Variants in NT5DC3 observed in about 807,000 individuals in gnomAD.
The protein encoded by NT5DC3 is 5'-nucleotidase domain containing 3.
In NT5DC3, 42 loss-of-function variants were observed where a neutral mutation model predicts 67.8. The ratio of observed to expected loss-of-function variants is 0.62; its 90% CI spans 0.48 to 0.80. The LOEUF (loss-of-function observed/expected upper bound fraction) is 0.80, where lower values mean the gene tolerates loss of function less well. NT5DC3 is among the 30% of genes least tolerant of loss of function. The pLI is 0.00. For missense variants in NT5DC3, 570 were observed against 696.4 expected (o/e 0.82, Z 2.04); for synonymous variants, 237 against 255.6 (o/e 0.93, Z 0.69).
rs571500083 is a variant in NT5DC3, at chr12:103,825,507, T to C, written c.209-10386A>G. ...GGAAAAAGTCCTTAGAAAAAGAAAATTGTGCATGGCACAGTGGCTCACACT... is the reference window on the plus strand; with the variant it reads ...GGAAAAAGTCCTTAGAAAAAGAAAACTGTGCATGGCACAGTGGCTCACACT... On this transcript the variant is annotated intron_variant, in intron 1 of 13. Coordinates refer to ENST00000392876, the MANE Select transcript of NT5DC3 (RefSeq NM_001031701.3). 3.2e-4 allele frequency among the ~76,000 whole-genome samples: 48 copies of C among 152,216 alleles called. No individual in the cohort carries two copies. In the South Asian group the frequency reaches 8.9e-3, roughly 28 times the overall value.
At chr12:103,788,439 T>G (rs1885890571) in intron 10 of NT5DC3, among the ~76,000 whole-genome samples, 1 of 152,234 alleles carries the variant, frequency 6.6e-6, no homozygotes, top group Non-Finnish European at 1.5e-5. Context: ...GGGCAAGACC[T>G]TGTCTTAATA....
intron 1 of NT5DC3, among the ~76,000 whole-genome samples, chr12:103,827,050 C>T (rs1381209773): frequency 6.6e-6 from 1 of 152,092 alleles, no homozygotes; most frequent in Non-Finnish European, 1.5e-5. Context: ...TCGAGACCAG[C>T]CTGGCCAACA....
chr12:103,748,967 G>A, the NT5DC3 span: 1 of 1,612,860 alleles, frequency 6.2e-7, no homozygotes, highest in Non-Finnish European at 8.5e-7. Context: ...TTGCAGTTGT[G>A]GATTTCTGCA....
chr12:103,836,916 T>C (rs1888172872), intron 1 of NT5DC3, among the ~76,000 whole-genome samples: 1 of 152,134 alleles, frequency 6.6e-6, no homozygotes, highest in Non-Finnish European at 1.5e-5. Flanking sequence ...AGAGTGGCCC[T>C]CTTCTCGCAG....
intron 1 of NT5DC3, 21 bp downstream of exon 1, chr12:103,840,928 C>A: frequency 1.5e-6 from 2 of 1,327,902 alleles, no homozygotes; most frequent in Non-Finnish European, 2.0e-6. Context: ...GGCGCCGGGG[C>A]GGGGTCGCCG....
At chr12:103,788,002 T>C (rs1164731762) in intron 10 of NT5DC3, among the ~76,000 whole-genome samples, 2 of 152,246 alleles carry the variant, frequency 1.3e-5, no homozygotes, top group Non-Finnish European at 2.9e-5. Flanking sequence ...GAAAATACAC[T>C]TATTGCCAAA....
intron 4 of NT5DC3, among the ~76,000 whole-genome samples, chr12:103,801,086 C>A (rs1339767314): frequency 1.3e-5 from 2 of 152,006 alleles, no homozygotes; most frequent in Non-Finnish European, 2.9e-5. Context: ...GTACGGAACC[C>A]CCCTCCACTT....
intron 1 of NT5DC3, among the ~76,000 whole-genome samples, chr12:103,836,541 A>G (rs981761121): frequency 6.6e-6 from 1 of 152,220 alleles, no homozygotes; most frequent in Non-Finnish European, 1.5e-5. Flanking sequence ...TTTAGTTGTC[A>G]TGTCTGTTCA....
intron 12 of NT5DC3, 100 bp from the exon 13 acceptor site, chr12:103,780,464 AT>A: frequency 9.8e-7 from 1 of 1,023,738 alleles, no homozygotes; most frequent in Admixed American, 1.8e-5. Flanking sequence ...GAGAAATTTT[AT>A]TCCCTTACAT....
Position 103,773,685 on chromosome 12 carries a change from C to A in NT5DC3, c.*4144G>T, listed in dbSNP as rs181498376. On this transcript the variant is annotated 3_prime_UTR_variant, in exon 14 of 14. Transcript: ENST00000392876. Reference sequence around the variant, plus strand: ...TCTTAGAGCATTCTAGACAAGGAGCCCCAAGTGGTCTTTGGCAGCAAATGA... The same window carrying A: ...TCTTAGAGCATTCTAGACAAGGAGCACCAAGTGGTCTTTGGCAGCAAATGA... The A allele has an allele frequency of 5.1e-4, 78 of 152,266 alleles. 1 individual carries two copies. In the East Asian group the frequency reaches 0.012, roughly 23 times the overall value. The allele number at this position is 152,266 out of a possible 1,614,324, so 9.4% of individuals were successfully genotyped here. A position where few individuals can be genotyped will look rare whatever the true frequency, so the allele number is the denominator to read the frequency against.
chr12:103,753,139 GA>G, the NT5DC3 span: 1 of 1,556,148 alleles, frequency 6.4e-7, no homozygotes, highest in Non-Finnish European at 8.7e-7. Flanking sequence ...CCTTCATTTT[GA>G]AAGTCCTTCA....
intron 5 of NT5DC3, among the ~76,000 whole-genome samples, chr12:103,797,427 G>A (rs529438209): frequency 2.7e-5 from 4 of 150,742 alleles, no homozygotes; most frequent in East Asian, 1.9e-4. Flanking sequence ...CGGAGATGGC[G>A]CCACTGCACA....
intron 11 of NT5DC3, among the ~76,000 whole-genome samples, chr12:103,785,913 T>C (rs1224120491): frequency 6.6e-6 from 1 of 151,956 alleles, no homozygotes; most frequent in Non-Finnish European, 1.5e-5. Flanking sequence ...AATGATCACA[T>C]ACAACATAAG....
chr12:103,814,623 G>A (rs1887169188), intron 2 of NT5DC3, among the ~76,000 whole-genome samples: 2 of 152,130 alleles, frequency 1.3e-5, no homozygotes, highest in African/African-American at 4.8e-5. Context: ...AATTCAACAG[G>A]CAGGCTGCCA....
In NT5DC3 at chr12:103,793,939, AT is replaced by A. The variant is rs1409787359; in HGVS notation, c.811del (p.Ile271LeufsTer40). On this transcript the variant is annotated frameshift_variant, in exon 7 of 14. Transcript: ENST00000392876. LOFTEE classifies it high-confidence loss of function. Reference protein sequence around the residue: ...GIMYRAIEADIEKYICYAEQT... With the variant: ...GIMYRAIEADXEKYICYAEQT... ...TCGTGATACTGCTGAGCACATACCA[AT>A]GTCTGCTTCAATTGCTCTGTACATT... The A allele has an allele frequency of 3.1e-6, 5 of 1,609,766 alleles. No individual in the cohort carries two copies. Among genetic ancestry groups the A allele is most frequent in the Non-Finnish European group, 4.3e-6 (5 of 1,176,128 alleles).
At chr12:103,759,220 A>G in the NT5DC3 span, 3 of 1,614,120 alleles carry the variant, frequency 1.9e-6, no homozygotes, top group South Asian at 3.3e-5. Flanking sequence ...CACCCTGCAA[A>G]CGAGGCTGGG....
chr12:103,806,205 A>C (rs1436519701), intron 4 of NT5DC3, 117 bp downstream of exon 4: 6 of 703,986 alleles, frequency 8.5e-6, no homozygotes, highest in Non-Finnish European at 1.5e-5. Context: ...TAAGTGAGTG[A>C]ATGAATGAAT....
At chr12:103,834,754 G>A (rs1888074060) in intron 1 of NT5DC3, among the ~76,000 whole-genome samples, 1 of 152,142 alleles carries the variant, frequency 6.6e-6, no homozygotes, top group South Asian at 2.1e-4. Context: ...ATAAAACAAA[G>A]CTTTAAAAAG....
the NT5DC3 span, chr12:103,750,541 A>G: frequency 1.2e-6 from 2 of 1,609,200 alleles, no homozygotes; most frequent in African/African-American, 1.3e-5. Flanking sequence ...GGTCCTAGAG[A>G]AGGAACTTTT....
Sources: gnomAD v4.1 joint callset for allele counts (sites outside exome capture counted in the v4.1 genomes callset) on GRCh38, gnomAD v4.1.1 for gene constraint, MANE v1.5 for transcripts, NCBI Gene and HGNC (gene_info 2026-07-23, HGNC 2026-07-21) for gene names.